NCOA1: variants seen among roughly 807,000 people sequenced by gnomAD.
NCOA1 encodes nuclear receptor coactivator 1.
Under a neutral mutation model 150.9 loss-of-function variants are expected in NCOA1, and 35 were observed. The ratio of observed to expected loss-of-function variants is 0.23; its 90% CI spans 0.18 to 0.31. The LOEUF (loss-of-function observed/expected upper bound fraction) is 0.31. Ranked by LOEUF, NCOA1 falls within the 10% of genes least tolerant of loss-of-function variation. NCOA1 has a pLI of 1.00. For missense variants in NCOA1, 1,491 were observed against 1,749.3 expected (o/e 0.85, Z 2.63); for synonymous variants, 590 against 630.0 (o/e 0.94, Z 0.95).
chr2:24,507,706 A>G (rs1663764166), intron 1 of NCOA1, among the ~76,000 whole-genome samples: 2 of 151,894 alleles, frequency 1.3e-5, no homozygotes. Context: ...CAGCTGGTTC[A>G]CTTGTATTAC....
intron 3 of NCOA1, among the ~76,000 whole-genome samples, chr2:24,640,008 ATTTTGATGTC>A (rs1453936378): frequency 2.8e-5 from 4 of 142,508 alleles, no homozygotes; most frequent in Non-Finnish European, 6.0e-5. Flanking sequence ...CATTCAACAG[ATTTTGATGTC>A]TTATGTTTAC....
chr2:24,729,554 A>G lies in NCOA1; in HGVS notation c.2940A>G (p.Pro980=), dbSNP rs762294972. 3.6e-5 allele frequency: 58 copies of G among 1,614,044 alleles called. No homozygotes were observed. Among genetic ancestry groups the G allele is most frequent in the Non-Finnish European group, 4.7e-5 (56 of 1,180,004 alleles). Residue 980 remains proline, a synonymous_variant, in exon 17 of 23, where the codon CCA becomes CCG. Transcript: ENST00000348332. ...GATTTCCACCACAACAAGCAACGCC[A>G]CCTTTGATCATGGAAGAAAGACCCA... ...SERFPPQQAT[P]PLIMEERPNL...
At chr2:24,585,919 A>G (rs915751015) in intron 3 of NCOA1, among the ~76,000 whole-genome samples, 6 of 152,262 alleles carry the variant, frequency 3.9e-5, no homozygotes, top group African/African-American at 1.4e-4. Flanking sequence ...ACTTGAGAAT[A>G]TATTCATCAA....
At chr2:24,580,946 C>G (rs886216801) in intron 2 of NCOA1, among the ~76,000 whole-genome samples, 1 of 152,180 alleles carries the variant, frequency 6.6e-6, no homozygotes, top group Non-Finnish European at 1.5e-5. Flanking sequence ...GCCCTGCCCC[C>G]GCATGAGAAG....
intron 3 of NCOA1, among the ~76,000 whole-genome samples, chr2:24,613,755 T>G (rs1159174719): frequency 1.3e-5 from 2 of 152,076 alleles, no homozygotes; most frequent in African/African-American, 4.8e-5. Context: ...GAGAGTGCCC[T>G]GCTTTACCAT....
At position 24,706,904 on chromosome 2, in the gene NCOA1, T is replaced by C. The variant is rs770406821; in HGVS notation, c.1434T>C (p.Gly478=). 29 of 1,614,004 alleles carry C rather than the reference T, an allele frequency of 1.8e-5. No homozygotes were observed. The highest frequency in any genetic ancestry group is 2.3e-5 in the Non-Finnish European group (27 of 1,180,030). Residue 478 remains glycine (G), a synonymous_variant, in exon 13 of 23, where the codon GGT becomes GGC. Coordinates refer to ENST00000348332, the MANE Select transcript of NCOA1 (RefSeq NM_003743.5). ...SLNLNNSPME[G]TGISLAQFMS... is the part of the protein sequence containing the mutation. ...ACCTCAATAATTCTCCTATGGAAGG[T>C]ACAGGAATATCCCTAGCACAGTTCA...
At chr2:24,688,066 TC>T (rs1672490450) in intron 8 of NCOA1, among the ~76,000 whole-genome samples, 1 of 152,178 alleles carries the variant, frequency 6.6e-6, no homozygotes, top group South Asian at 2.1e-4. Flanking sequence ...CCATCCATGT[TC>T]CTGCAGAGGA....
chr2:24,548,878 T>C lies in NCOA1; in HGVS notation c.-395-15417T>C, dbSNP rs74475514. Reference sequence around the variant, plus strand: ...ACAGCCTTCCTCATGGCTGCTTTCATGGGCTGGCGTTGAGTGCCTGCAACT... The same window carrying C: ...ACAGCCTTCCTCATGGCTGCTTTCACGGGCTGGCGTTGAGTGCCTGCAACT... On this transcript the variant is annotated intron_variant, in intron 1 of 22. Transcript: ENST00000348332. 9.5e-4 allele frequency among the ~76,000 whole-genome samples: 144 copies of C among 152,318 alleles called. 2 individuals are homozygous for C. The East Asian group carries it at 0.027, about 29-fold the overall frequency.
At chr2:24,620,199 A>G (rs372437546) in intron 3 of NCOA1, among the ~76,000 whole-genome samples, 12 of 152,258 alleles carry the variant, frequency 7.9e-5, no homozygotes, top group Non-Finnish European at 1.6e-4. Context: ...TCATCTTGCA[A>G]TAATAAACTG....
At chr2:24,649,208 C>T (rs1670608560) in intron 4 of NCOA1, among the ~76,000 whole-genome samples, 1 of 152,132 alleles carries the variant, frequency 6.6e-6, no homozygotes, top group South Asian at 2.1e-4. Flanking sequence ...GGATTATAGA[C>T]ACATGTTACT....
intron 6 of NCOA1, among the ~76,000 whole-genome samples, chr2:24,668,065 A>G (rs1416048064): frequency 1.3e-5 from 2 of 152,204 alleles, no homozygotes; most frequent in East Asian, 1.9e-4. Context: ...GCACTTGGCT[A>G]CATAGTAGGC....
chr2:24,730,616 T>G (rs1222177798), intron 17 of NCOA1, among the ~76,000 whole-genome samples: 4 of 152,132 alleles, frequency 2.6e-5, no homozygotes, highest in Non-Finnish European at 4.4e-5. Context: ...GTGAGTGAGT[T>G]AAATCTTCTC....
intron 19 of NCOA1, among the ~76,000 whole-genome samples, chr2:24,750,821 C>T (rs1023130754): frequency 6.6e-5 from 10 of 150,924 alleles, no homozygotes; most frequent in African/African-American, 1.2e-4. Context: ...GTGGTAATGG[C>T]GGCACAACTC....
At chr2:24,500,422 A>G (rs1663412420) in intron 1 of NCOA1, among the ~76,000 whole-genome samples, 1 of 152,184 alleles carries the variant, frequency 6.6e-6, no homozygotes, top group Non-Finnish European at 1.5e-5. Flanking sequence ...GTTTCTTAAC[A>G]TTAAATTATC....
At chr2:24,506,030 C>A (rs1663679018) in intron 1 of NCOA1, among the ~76,000 whole-genome samples, 1 of 151,848 alleles carries the variant, frequency 6.6e-6, no homozygotes, top group African/African-American at 2.4e-5. Context: ...CCATTGGAGC[C>A]TTTGGATCTA....
chr2:24,556,429 T>C (rs1181115386), intron 1 of NCOA1, among the ~76,000 whole-genome samples: 1 of 152,208 alleles, frequency 6.6e-6, no homozygotes, highest in East Asian at 1.9e-4. Context: ...ATCTTTGCTA[T>C]TGTGAATAAT....
intron 2 of NCOA1, among the ~76,000 whole-genome samples, chr2:24,570,319 T>C (rs978665508): frequency 2.0e-5 from 3 of 152,200 alleles, no homozygotes; most frequent in Admixed American, 6.5e-5. Flanking sequence ...CAAACACTAA[T>C]AGGGTTGTTA....
rs577432925 is a variant in NCOA1 at position 24,643,555 on chromosome 2, A to T, written c.-174-411A>T. Among the ~76,000 whole-genome samples the T allele has an allele frequency of 1.3e-4, 20 of 152,358 alleles. No individual in the cohort carries two copies. The East Asian group carries it at 3.9e-3, about 29-fold the overall frequency. Reference sequence around the variant, plus strand: ...AATGTTTATAAACTTTTTCAGTTAGAAATTTGAAGACAAAATATTATAGGA... The same window carrying T: ...AATGTTTATAAACTTTTTCAGTTAGTAATTTGAAGACAAAATATTATAGGA... On this transcript the variant is annotated intron_variant, in intron 3 of 22. Transcript: ENST00000348332.
intron 8 of NCOA1, among the ~76,000 whole-genome samples, chr2:24,683,709 A>G (rs759391946): frequency 2.6e-5 from 4 of 152,072 alleles, no homozygotes; most frequent in Admixed American, 1.3e-4. Flanking sequence ...AAAGGCATGG[A>G]TGGACTAACA....
Sources: gnomAD v4.1 joint callset for allele counts (sites outside exome capture counted in the v4.1 genomes callset) on GRCh38, gnomAD v4.1.1 for gene constraint, MANE v1.5 for transcripts, NCBI Gene and HGNC (gene_info 2026-07-23, HGNC 2026-07-21) for gene names.